CNKSR1: variants seen among roughly 807,000 people sequenced by gnomAD.
CNKSR1 encodes the protein connector enhancer of kinase suppressor of Ras 1, also known as CNK homolog protein 1.
A neutral mutation model predicts 95.6 loss-of-function variants in CNKSR1; 88 were observed. The observed-to-expected ratio is 0.92, with a 90% CI of 0.78 to 1.10. CNKSR1 has a LOEUF of 1.10. CNKSR1 is among the 50% of genes least tolerant of loss of function. The pLI is 0.00. For synonymous variants in CNKSR1, 355 were observed against 369.7 expected (o/e 0.96, Z 0.46); for missense variants, 836 against 912.0 (o/e 0.92, Z 1.07).
chr1:26,183,681 T>G, intron 8 of CNKSR1, 48 bp from the exon 9 acceptor site: 1 of 1,390,712 alleles, frequency 7.2e-7, no homozygotes, highest in Admixed American at 1.7e-5. Context: ...GTGGTTGCTT[T>G]AGAGCCTCCT....
In CNKSR1 at chr1:26,188,381, A is replaced by T. The variant is rs2088794377; in HGVS notation, c.1529-61A>T. On this transcript the variant is annotated intron_variant, in intron 17 of 20. Coordinates refer to ENST00000361530, the MANE Select transcript of CNKSR1 (RefSeq NM_006314.3). ...GCCTTTCCTGGGATGGGGGCTAGGA[A>T]CTCAAATGCCCTAGGCCACTCCCTG... 7 of 1,608,830 alleles carry T rather than the reference A, an allele frequency of 4.4e-6. No homozygotes were observed. In the Admixed American group the frequency reaches 5.0e-5, roughly 12 times the overall value.
chr1:26,177,516 CAG>C lies in CNKSR1; in HGVS notation c.-31_-30del. ...AAATTCCGGCGACAGCAGGGCAAAA[CAG>C]GAGCTGATTCGAGCTGGCAGAGCTG... On this transcript the variant is annotated 5_prime_UTR_variant, in exon 1 of 21. Coordinates refer to ENST00000361530, the MANE Select transcript of CNKSR1 (RefSeq NM_006314.3). 1 of 1,613,624 alleles carries C rather than the reference CAG, an allele frequency of 6.2e-7. No individual in the cohort carries two copies. Among genetic ancestry groups the C allele is most frequent in the Non-Finnish European group, 8.5e-7 (1 of 1,179,862 alleles).
At chr1:26,178,577 G>A (rs1034956255) in intron 1 of CNKSR1, among the ~76,000 whole-genome samples, 6 of 152,150 alleles carry the variant, frequency 3.9e-5, no homozygotes, top group Non-Finnish European at 5.9e-5. Flanking sequence ...GAGCTGGAGC[G>A]CACTAGAGAC....
intron 1 of CNKSR1, among the ~76,000 whole-genome samples, chr1:26,177,980 AAT>A (rs1557617872): frequency 6.6e-6 from 1 of 151,772 alleles, no homozygotes; most frequent in Non-Finnish European, 1.5e-5. Context: ...GAAAAAAAAA[AAT>A]AATAAACTGC....
chr1:26,188,965 G>T lies in CNKSR1; in HGVS notation c.1872+12G>T, dbSNP rs751960836. On this transcript the variant is annotated intron_variant, in intron 20 of 20. Transcript: ENST00000361530. ...AGAGCACACTCAAGGTCAGCTGGGG[G>T]GCTCTGGGCACAGCAAGGGACTAGG... 1.2e-6 allele frequency: 2 copies of T among 1,612,490 alleles called. No homozygotes were observed. The highest frequency in any genetic ancestry group is 3.3e-5 in the Admixed American group (2 of 59,986).
chr1:26,184,052 G>T lies in CNKSR1; in HGVS notation c.856-19G>T. ...TTCAGACCCCTGTCTCCATTGCTTT[G>T]TTCCTGGTTGTTCCCCAGACGCCCC... On this transcript the variant is annotated intron_variant, in intron 9 of 20. Coordinates refer to ENST00000361530, the MANE Select transcript of CNKSR1 (RefSeq NM_006314.3). 1 of 1,595,800 alleles carries T rather than the reference G, an allele frequency of 6.3e-7. No individual in the cohort carries two copies. The highest frequency in any genetic ancestry group is 8.5e-7 in the Non-Finnish European group (1 of 1,172,784).
At position 26,183,774 on chromosome 1, in the gene CNKSR1, C is replaced by A. The variant is rs1349380861; in HGVS notation, c.799C>A (p.Pro267Thr). 1.9e-6 allele frequency: 3 copies of A among 1,613,688 alleles called. No individual in the cohort carries two copies. Among genetic ancestry groups the A allele is most frequent in the Non-Finnish European group, 8.5e-7 (1 of 1,179,774 alleles). ...KNMVRELLRE[P>T]AGLSLVLKKI... The stretch of plus-strand genomic sequence containing the variant: ...CATGGTGAGGGAACTGCTGCGGGAG[C>A]CAGCCGGACTCAGCTTAGTGCTGAA... The change falls in exon 9 of 21, where the codon CCA becomes ACA. Residue 267 changes from proline (P) to threonine (T), a missense_variant. Physicochemically the swap from Pro to Thr is conservative, Grantham distance 38. Transcript: ENST00000361530.
Position 26,189,569 on chromosome 1 carries a change from C to T in CNKSR1, c.*21C>T, listed in dbSNP as rs763031206. On this transcript the variant is annotated 3_prime_UTR_variant, in exon 21 of 21. Coordinates refer to ENST00000361530, the MANE Select transcript of CNKSR1 (RefSeq NM_006314.3). ...TCTGACCCTGGCCAGCACTCTAGCT[C>T]CTGACCTTTGACCCGAGGGCCACCT... The T allele has an allele frequency of 7.9e-7, 1 of 1,270,100 alleles. No homozygotes were observed. The highest frequency in any genetic ancestry group is 2.3e-5 in the East Asian group (1 of 43,380). The allele number at this position is 1,270,100 out of a possible 1,614,324, so 78.7% of individuals were successfully genotyped here. A position where few individuals can be genotyped will look rare whatever the true frequency, so the allele number is the denominator to read the frequency against.
chr1:26,183,815 G>A lies in CNKSR1; in HGVS notation c.840G>A (p.Pro280=), dbSNP rs1453232076. 6.2e-6 allele frequency: 10 copies of A among 1,606,436 alleles called. No homozygotes were observed. The East Asian group carries it at 1.1e-4, about 18-fold the overall frequency. ...TAGTGCTGAAGAAGATCCCGATACC[G>A]GAGACCCCCCCACAGGTACCTTCCC... ...LSLVLKKIPI[P]ETPPQTPPQV... is the part of the protein sequence containing the mutation. Residue 280 remains proline (P), a synonymous_variant, in exon 9 of 21, where the codon CCG becomes CCA. Coordinates refer to ENST00000361530, the MANE Select transcript of CNKSR1 (RefSeq NM_006314.3).
chr1:26,188,279 A>G lies in CNKSR1; in HGVS notation c.1500A>G (p.Pro500=), dbSNP rs1333700504. ...CCTGCATCTCCAAGTACCAGTCTCC[A>G]GGCCGGGCCCCCCCACCCCGAGAGG... The part of the protein sequence containing the change: ...LITCISKYQS[P]GRAPPPREED... Residue 500 remains proline, a synonymous_variant, in exon 17 of 21, where the codon CCA becomes CCG. Coordinates refer to ENST00000361530, the MANE Select transcript of CNKSR1 (RefSeq NM_006314.3). 1 of 1,613,982 alleles carries G rather than the reference A, an allele frequency of 6.2e-7. No homozygotes were observed. Among genetic ancestry groups the G allele is most frequent in the African/African-American group, 1.3e-5 (1 of 74,886 alleles).
At chr1:26,189,191 G>A (rs2088819571) in intron 20 of CNKSR1, 88 bp from the exon 21 acceptor site, 2 of 1,528,002 alleles carry the variant, frequency 1.3e-6, no homozygotes, top group Non-Finnish European at 1.8e-6. Context: ...TGGCTTCCAG[G>A]CACCGGACCT....
At chr1:26,182,291 C>T (rs2088659552) in intron 4 of CNKSR1, 70 bp from the exon 5 acceptor site, 1 of 1,511,300 alleles carries the variant, frequency 6.6e-7, no homozygotes, top group Non-Finnish European at 9.2e-7. Flanking sequence ...CCCACCCTGC[C>T]CCCAGGAGAA....
rs149069703 is a variant in CNKSR1 at position 26,183,826 on chromosome 1, C to A, written c.851C>A (p.Pro284Gln). ...LKKIPIPETP[P>Q]QTPPQVLDSP... The stretch of plus-strand genomic sequence containing the variant: ...AAGATCCCGATACCGGAGACCCCCC[C>A]ACAGGTACCTTCCCCTGCCGCCCCC... The change falls in exon 9 of 21, where the codon CCA (proline) becomes CAA (glutamine). Residue 284 changes from proline (P) to glutamine (Q), a missense_variant. Transcript: ENST00000361530. 139 of 1,419,292 alleles carry A rather than the reference C, an allele frequency of 9.8e-5. No individual in the cohort carries two copies. Among genetic ancestry groups the A allele is most frequent in the East Asian group, 8.9e-4 (28 of 31,368 alleles). The allele number at this position is 1,419,292 out of a possible 1,614,324, so 87.9% of individuals were successfully genotyped here.
At chr1:26,187,266 T>A in intron 15 of CNKSR1, 25 bp downstream of exon 15, 1 of 1,605,668 alleles carries the variant, frequency 6.2e-7, no homozygotes, top group South Asian at 1.1e-5. Context: ...TGTGATGGGC[T>A]GGGGGATGGA....
intron 14 of CNKSR1, among the ~76,000 whole-genome samples, chr1:26,185,648 TCC>T (rs1199249122): frequency 2.0e-5 from 3 of 151,976 alleles, no homozygotes; most frequent in Non-Finnish European, 4.4e-5. Context: ...TGCCTCGGCC[TCC>T]CAAAGTGCTG....
chr1:26,180,284 C>A lies in CNKSR1; in HGVS notation c.53-169C>A, dbSNP rs554668732. Reference sequence around the variant, plus strand: ...TTTAAGAACCCATGTCCTATACTTTCCTGCTTCTCAACTCAGTGGCCTCAT... The same window carrying A: ...TTTAAGAACCCATGTCCTATACTTTACTGCTTCTCAACTCAGTGGCCTCAT... On this transcript the variant is annotated intron_variant, in intron 1 of 20. Coordinates refer to ENST00000361530, the MANE Select transcript of CNKSR1 (RefSeq NM_006314.3). 11 of 783,588 alleles carry A rather than the reference C, an allele frequency of 1.4e-5. No homozygotes were observed. The East Asian group carries it at 2.9e-4, about 21-fold the overall frequency. The allele number at this position is 783,588 out of a possible 1,614,324, so 48.5% of individuals were successfully genotyped here.
intron 8 of CNKSR1, 39 bp downstream of exon 8, chr1:26,183,453 C>A: frequency 6.2e-7 from 1 of 1,603,518 alleles, no homozygotes; most frequent in East Asian, 2.2e-5. Flanking sequence ...GTGAAGGGGT[C>A]ACCGAGTGGA....
chr1:26,184,170 G>C, intron 10 of CNKSR1, 29 bp downstream of exon 10: 1 of 1,612,224 alleles, frequency 6.2e-7, no homozygotes, highest in Non-Finnish European at 8.5e-7. Flanking sequence ...GTGTGTCTTG[G>C]TGGGGAGACC....
In CNKSR1 at chr1:26,189,465, C is replaced by A. The variant is rs1045105; in HGVS notation, c.2059C>A (p.His687Asn). 210,004 of 1,613,844 alleles carry A rather than the reference C, an allele frequency of 0.13. 14,560 individuals carry two copies. Among genetic ancestry groups the A allele is most frequent in the South Asian group, 0.22 (19,697 of 91,076 alleles). The stretch of plus-strand genomic sequence containing the variant: ...CTCTGACTCCACAGAACAGTCCCCC[C>A]ACTCCCTGCCCTCTGACCCTGAAGA... ...LTSDSTEQSP[H>N]SLPSDPEEHS... The change falls in exon 21 of 21, where the codon CAC becomes AAC. Residue 687 changes from histidine (H) to asparagine (N), a missense_variant. By Grantham distance (68) the His-to-Asn change is moderately conservative. Coordinates refer to ENST00000361530, the MANE Select transcript of CNKSR1 (RefSeq NM_006314.3).
Sources: allele counts gnomAD v4.1 joint callset (sites outside exome capture counted in the v4.1 genomes callset), GRCh38; gene constraint gnomAD v4.1.1; transcripts MANE v1.5; gene names NCBI Gene and HGNC (gene_info 2026-07-23, HGNC 2026-07-21).